Variants in GPR89B observed in about 807,000 individuals in gnomAD.
GPR89B encodes the protein golgi pH regulator B.
GPR89B carries 25 observed loss-of-function variants against 52.4 expected under a neutral mutation model. That is an observed-to-expected ratio of 0.48 (90% CI 0.35 to 0.67). The LOEUF is 0.67. Among genes scored for constraint, GPR89B ranks in the 30% least tolerant of loss-of-function variants. The probability of loss-of-function intolerance (pLI) is 0.01; values close to 1 mark genes in which losing one functional copy is unlikely to be tolerated. For missense variants in GPR89B, 146 were observed against 450.2 expected, an observed-to-expected ratio of 0.32 and a Z score of 6.11; for synonymous variants, 52 against 151.2, an observed-to-expected ratio of 0.34 and a Z score of 4.81.
rs1399766287 is a variant in GPR89B at position 147,928,455 on chromosome 1, C to A, written c.-82C>A. ...CTGCAGCACCTGGGAGAAGGCAGAC[C>A]GTGTGAGGGGGCCTGTGGCCCCAGC... On this transcript the variant is annotated 5_prime_UTR_variant, in exon 1 of 14. Coordinates refer to ENST00000314163, the MANE Select transcript of GPR89B (RefSeq NM_016334.5). 1.4e-5 allele frequency: 22 copies of A among 1,548,306 alleles called. No individual in the cohort carries two copies. Among genetic ancestry groups the A allele is most frequent in the African/African-American group, 4.1e-5 (3 of 73,218 alleles).
At chr1:147,952,142 C>T (rs1553251170) in intron 5 of GPR89B, among the ~76,000 whole-genome samples, 2 of 152,076 alleles carry the variant, frequency 1.3e-5, no homozygotes, top group Non-Finnish European at 2.9e-5. Context: ...AGAGAGATGG[C>T]TGACCAAGGG....
the GPR89B span, among the ~76,000 whole-genome samples, chr1:148,016,937 C>T: frequency 3.8e-4 from 57 of 151,818 alleles, no homozygotes; most frequent in East Asian, 6.2e-3. Flanking sequence ...TCTTCTGCAA[C>T]GTCTAATCTG....
chr1:148,008,635 G>T, the GPR89B span, among the ~76,000 whole-genome samples: 1 of 152,136 alleles, frequency 6.6e-6, no homozygotes, highest in Non-Finnish European at 1.5e-5. Context: ...ATACCCCAGA[G>T]CCACGGTCAA....
At chr1:148,020,366 C>CT in the GPR89B span, among the ~76,000 whole-genome samples, 2 of 148,524 alleles carry the variant, frequency 1.3e-5, no homozygotes, top group South Asian at 2.2e-4. Context: ...CTCTAGGTGT[C>CT]TTTTTTGTTT....
intron 8 of GPR89B, chr1:147,968,108 A>G (rs1657162516): frequency 1.4e-5 from 5 of 359,908 alleles, no homozygotes; most frequent in Non-Finnish European, 2.7e-5. Context: ...AGCCAATAAT[A>G]TGGGTTTGAG....
chr1:147,989,596 G>A (rs1335684805), intron 12 of GPR89B, among the ~76,000 whole-genome samples: 180 of 150,626 alleles, frequency 1.2e-3, no homozygotes, highest in African/African-American at 4.1e-3. Flanking sequence ...CCCACCCCAC[G>A]ACAAGCCTCG....
At chr1:147,998,222 A>G (rs1659361891), downstream of GPR89B, among the ~76,000 whole-genome samples, 5 of 145,952 alleles carry the variant, frequency 3.4e-5, no homozygotes, top group South Asian at 1.2e-3. Context: ...AAATCAAGCA[A>G]TGGAAGGTGA....
In GPR89B at chr1:147,993,510, T is replaced by G. The variant is rs1659214316; in HGVS notation, c.*593T>G. ...GGGGTGGTATGCACCTGAAATAGAT[T>G]TTACCAAAAGAGAGATTTCAGTTAT... On this transcript the variant is annotated 3_prime_UTR_variant, in exon 14 of 14. Transcript: ENST00000314163. 3 of 170,588 alleles carry G rather than the reference T, an allele frequency of 1.8e-5. No homozygotes were observed. Among genetic ancestry groups the G allele is most frequent in the African/African-American group, 7.2e-5 (3 of 41,540 alleles). The allele number at this position is 170,588 out of a possible 1,614,324, so 10.6% of individuals were successfully genotyped here.
intron 7 of GPR89B, among the ~76,000 whole-genome samples, chr1:147,958,127 A>G (rs1438539297): frequency 6.6e-6 from 1 of 152,100 alleles, no homozygotes; most frequent in Non-Finnish European, 1.5e-5. Context: ...ATTTGTCTCT[A>G]TTTCTGCATG....
At chr1:148,013,571 A>G in the GPR89B span, among the ~76,000 whole-genome samples, 1 of 152,046 alleles carries the variant, frequency 6.6e-6, no homozygotes, top group African/African-American at 2.4e-5. Context: ...TGGGCCCTGC[A>G]GGATAATGCC....
intron 5 of GPR89B, among the ~76,000 whole-genome samples, chr1:147,949,682 C>G (rs1291871821): frequency 1.5e-5 from 2 of 137,184 alleles, no homozygotes; most frequent in Non-Finnish European, 3.1e-5. Context: ...CTGACCCCCC[C>G]ACCTCCTTCG....
intron 5 of GPR89B, among the ~76,000 whole-genome samples, chr1:147,946,194 T>C (rs1314478695): frequency 5.3e-5 from 8 of 152,004 alleles, no homozygotes; most frequent in Admixed American, 1.3e-4. Context: ...GGTATCTATA[T>C]CATCTATAAA....
downstream of GPR89B, chr1:147,994,248 A>C (rs1451242579): frequency 6.2e-7 from 1 of 1,601,662 alleles, no homozygotes; most frequent in African/African-American, 1.3e-5. Flanking sequence ...GATTCCTATT[A>C]AATACCCAGA....
chr1:148,011,190 C>A, the GPR89B span: 2 of 152,154 alleles, frequency 1.3e-5, no homozygotes, highest in African/African-American at 4.8e-5. Flanking sequence ...TTCTAGCCAA[C>A]AAAGTTATTG....
chr1:147,983,621 A>G (rs1348035527), intron 10 of GPR89B, among the ~76,000 whole-genome samples: 1 of 152,086 alleles, frequency 6.6e-6, no homozygotes, highest in Non-Finnish European at 1.5e-5. Context: ...TCAAAACCAC[A>G]ATGACATACC....
chr1:147,973,349 C>T (rs1435290804), intron 10 of GPR89B, among the ~76,000 whole-genome samples: 15 of 152,000 alleles, frequency 9.9e-5, no homozygotes, highest in South Asian at 2.1e-4. Flanking sequence ...TAATAATTGC[C>T]ATTCTGACTG....
chr1:148,015,110 G>T, the GPR89B span, among the ~76,000 whole-genome samples: 1 of 151,484 alleles, frequency 6.6e-6, no homozygotes, highest in South Asian at 2.1e-4. Context: ...TCTGGAGTTG[G>T]CTGGTTCAAG....
chr1:147,975,531 T>G (rs1657771857), intron 10 of GPR89B, among the ~76,000 whole-genome samples: 2 of 152,140 alleles, frequency 1.3e-5, no homozygotes, highest in Admixed American at 1.3e-4. Context: ...TCATTTTTTT[T>G]GTGTCTGTTT....
At chr1:147,998,229 G>A (rs1659362081), downstream of GPR89B, among the ~76,000 whole-genome samples, 3 of 145,562 alleles carry the variant, frequency 2.1e-5, 1 homozygote, top group South Asian at 4.7e-4. Context: ...GCAATGGAAG[G>A]TGAGCACAGT....
Sources: allele counts gnomAD v4.1 joint callset (sites outside exome capture counted in the v4.1 genomes callset), GRCh38; gene constraint gnomAD v4.1.1; transcripts MANE v1.5; gene names NCBI Gene and HGNC (gene_info 2026-07-23, HGNC 2026-07-21).